The following IL16 variants were observed in gnomAD, a reference collection of about 807,000 sequenced individuals.
IL16 encodes pro-interleukin-16.
A neutral mutation model predicts 110.1 loss-of-function variants in IL16; 67 were observed. That is an observed-to-expected ratio of 0.61 (90% confidence interval 0.50 to 0.75). The LOEUF (loss-of-function observed/expected upper bound fraction) is 0.75. Among genes scored for constraint, IL16 ranks in the 30% least tolerant of loss-of-function variants. IL16 has a pLI of 0.00. For synonymous variants in IL16, 689 were observed against 662.9 expected, an observed-to-expected ratio of 1.04 and a Z score of -0.61; for missense variants, 1,545 against 1,655.0, an observed-to-expected ratio of 0.93 and a Z score of 1.15.
chr15:81,233,459 C>CTG (rs5814049), intron 2 of IL16, among the ~76,000 whole-genome samples: 33,535 of 143,252 alleles, frequency 0.23, 3,731 homozygotes, highest in South Asian at 0.34. Context: ...TCTTCTCTTT[C>CTG]TGTGTGTGTG....
At chr15:81,289,123 C>T (rs2142342494) in intron 10 of IL16, among the ~76,000 whole-genome samples, 1 of 152,224 alleles carries the variant, frequency 6.6e-6, no homozygotes, top group South Asian at 2.1e-4. Context: ...CCCGATTTCT[C>T]CATATCCTTG....
chr15:81,248,077 G>A (rs749049985), intron 2 of IL16, among the ~76,000 whole-genome samples: 3 of 152,164 alleles, frequency 2.0e-5, no homozygotes, highest in Admixed American at 2.0e-4. Flanking sequence ...TCAGCATTAT[G>A]AGGCTATGTT....
At position 81,300,016 on chromosome 15, in the gene IL16, C is replaced by T; in HGVS notation, c.2690C>T (p.Pro897Leu). 1 of 1,578,978 alleles carries T rather than the reference C, an allele frequency of 6.3e-7. No homozygotes were observed. Among genetic ancestry groups the T allele is most frequent in the South Asian group, 1.2e-5 (1 of 85,852 alleles). The change falls in exon 14 of 19, where the codon CCC becomes CTC. Residue 897 changes from proline (P) to leucine (L), a missense_variant. By Grantham distance (98) the Pro-to-Leu change is moderately conservative (BLOSUM62 -3). Around this residue, in one of 3 missense-constraint regions of IL16, gnomAD observed 1,185 missense variants for 1,238.8 expected, o/e 0.96. Coordinates refer to ENST00000683961, the MANE Select transcript of IL16 (RefSeq NM_172217.5). The stretch of plus-strand genomic sequence containing the variant: ...CGAGGGGCTGCACCCACTCTTGTGC[C>T]CCAGCAGCCTGAGCAAGTACTGTCC... ...LGRGAAPTLV[P>L]QQPEQVLSSG...
rs1193575902 is a variant in IL16 at position 81,299,798 on chromosome 15, G to A, written c.2472G>A (p.Glu824=). The A allele has an allele frequency of 6.2e-7, 1 of 1,613,916 alleles. No individual in the cohort carries two copies. The highest frequency in any genetic ancestry group is 1.3e-5 in the African/African-American group (1 of 74,914). The change falls in exon 14 of 19, where the codon GAG becomes GAA. Residue 824 remains glutamate, a synonymous_variant. Coordinates refer to ENST00000683961, the MANE Select transcript of IL16 (RefSeq NM_172217.5). The part of the protein sequence containing the change: ...LSTQPAPASR[E]HLGSHIRASS... ...CCCAGCCAGCACCTGCTTCCAGGGAGCACCTAGGATCACACATCCGGGCCT... is the reference window on the plus strand; with the variant it reads ...CCCAGCCAGCACCTGCTTCCAGGGAACACCTAGGATCACACATCCGGGCCT...
chr15:81,186,326 A>G (rs1318119113), intron 1 of IL16, among the ~76,000 whole-genome samples: 2 of 152,236 alleles, frequency 1.3e-5, no homozygotes, highest in Non-Finnish European at 2.9e-5. Context: ...CAGGTGAACC[A>G]AAACAAGACA....
At chr15:81,190,387 G>C (rs138500300) in intron 1 of IL16, among the ~76,000 whole-genome samples, 1 of 152,362 alleles carries the variant, frequency 6.6e-6, no homozygotes, top group Non-Finnish European at 1.5e-5. Flanking sequence ...GGAATCTACA[G>C]ATGCTCAGCA....
upstream of IL16, among the ~76,000 whole-genome samples, chr15:81,196,723 C>T (rs1895606784): frequency 6.6e-6 from 1 of 152,194 alleles, no homozygotes; most frequent in African/African-American, 2.4e-5. Context: ...GGTTTGCCTC[C>T]TGGGTGTTGC....
chr15:81,200,211 T>C (rs1223338606), intron 1 of IL16, among the ~76,000 whole-genome samples: 2 of 151,922 alleles, frequency 1.3e-5, no homozygotes, highest in Non-Finnish European at 2.9e-5. Context: ...GTAAAGGTAT[T>C]GTTTCATGAA....
At chr15:81,184,967 C>T (rs1037643760) in intron 1 of IL16, among the ~76,000 whole-genome samples, 1 of 152,122 alleles carries the variant, frequency 6.6e-6, no homozygotes, top group Non-Finnish European at 1.5e-5. Context: ...ACCATAGGTG[C>T]CTTGACTCCT....
At chr15:81,278,565 T>C (rs1899018467) in intron 6 of IL16, among the ~76,000 whole-genome samples, 1 of 152,162 alleles carries the variant, frequency 6.6e-6, no homozygotes, top group Non-Finnish European at 1.5e-5. Flanking sequence ...GCAAGGACCA[T>C]ATCCAGCCAG....
intron 1 of IL16, among the ~76,000 whole-genome samples, chr15:81,219,421 T>C (rs749494870): frequency 2.0e-5 from 3 of 152,120 alleles, no homozygotes; most frequent in Non-Finnish European, 4.4e-5. Context: ...ATTGACTATA[T>C]AGCAGGCCTT....
At chr15:81,284,328 C>T (rs1899341249) in intron 9 of IL16, among the ~76,000 whole-genome samples, 1 of 152,162 alleles carries the variant, frequency 6.6e-6, no homozygotes, top group Non-Finnish European at 1.5e-5. Context: ...ATGGAAAAGC[C>T]ATCCCTGCTT....
At chr15:81,295,466 A>G in intron 12 of IL16, 1 of 1,289,704 alleles carries the variant, frequency 7.8e-7, no homozygotes, top group Non-Finnish European at 1.0e-6. Context: ...TGCCTGTAAA[A>G]GAGCTAACAA....
intron 2 of IL16, 79 bp from the exon 3 acceptor site, chr15:81,259,693 C>A: frequency 1.2e-6 from 1 of 820,846 alleles, no homozygotes. Flanking sequence ...CTTCTATGGT[C>A]AGTGTCAAAA....
chr15:81,308,164 C>T lies in IL16; in HGVS notation c.3806-441C>T, dbSNP rs17875548. ...CAAGATCCCTGTAAATATTGTTGCA[C>T]AAAAATCTCACTAGCTCTCTTCCCA... On this transcript the variant is annotated intron_variant, in intron 18 of 18. Transcript: ENST00000683961. Among the ~76,000 whole-genome samples the T allele has an allele frequency of 4.8e-3, 727 of 152,266 alleles. 4 individuals carry two copies. Among genetic ancestry groups the T allele is most frequent in the African/African-American group, 0.017 (698 of 41,544 alleles).
intron 1 of IL16, among the ~76,000 whole-genome samples, chr15:81,204,657 C>T (rs961022826): frequency 9.2e-5 from 14 of 151,412 alleles, no homozygotes; most frequent in Admixed American, 7.9e-4. Context: ...TTAATGGGTG[C>T]AGCACATCAA....
chr15:81,237,654 T>A (rs1000758007), intron 2 of IL16, among the ~76,000 whole-genome samples: 17 of 152,268 alleles, frequency 1.1e-4, no homozygotes, highest in Middle Eastern at 3.4e-3. Flanking sequence ...GGTAACCACT[T>A]AATTTTGGGT....
intron 1 of IL16, among the ~76,000 whole-genome samples, chr15:81,190,895 G>A (rs1349237634): frequency 1.3e-5 from 2 of 152,188 alleles, no homozygotes; most frequent in Non-Finnish European, 2.9e-5. Flanking sequence ...TCAAGGTCAG[G>A]ATTTATGGTA....
chr15:81,197,295 A>C, intron 1 of IL16, 143 bp downstream of exon 1: 2 of 418,708 alleles, frequency 4.8e-6, no homozygotes, highest in Non-Finnish European at 8.4e-6. Context: ...GGTCAGGGGC[A>C]GGAGCAGAAG....
Sources: gnomAD v4.1 joint callset for allele counts (sites outside exome capture counted in the v4.1 genomes callset) on GRCh38, gnomAD v4.1.1 for gene constraint, gnomAD v4.1.1 regional missense constraint, MANE v1.5 for transcripts, NCBI Gene and HGNC (gene_info 2026-07-23, HGNC 2026-07-21) for gene names.